Variants in PRKN observed in about 807,000 individuals in gnomAD.
PRKN encodes parkin RBR E3 ubiquitin protein ligase, also known as E3 ubiquitin-protein ligase parkin.
In PRKN, 56 loss-of-function variants were observed where a neutral mutation model predicts 59.5. That is an observed-to-expected ratio of 0.94 (90% CI 0.76 to 1.18). PRKN has a LOEUF of 1.18. Ranked by LOEUF, PRKN falls within the 50% of genes most tolerant of loss-of-function variation. PRKN has a pLI of 0.00. For synonymous variants in PRKN, 250 were observed against 222.1 expected (o/e 1.13, Z -1.12); for missense variants, 657 against 596.4 (o/e 1.10, Z -1.06).
chr6:162,221,022 G>A (rs1052511180), intron 3 of PRKN, among the ~76,000 whole-genome samples: 1 of 152,162 alleles, frequency 6.6e-6, no homozygotes, highest in African/African-American at 2.4e-5. Flanking sequence ...GTGAAGAGCG[G>A]AGAATGGTAA....
At chr6:162,293,415 T>C (rs533709885) in intron 2 of PRKN, among the ~76,000 whole-genome samples, 2 of 152,362 alleles carry the variant, frequency 1.3e-5, no homozygotes, top group African/African-American at 2.4e-5. Context: ...TTTGGAATTC[T>C]AAATCCATGT....
Position 161,386,747 on chromosome 6 carries a change from A to C in PRKN, c.1167+47T>G. Reference sequence around the variant, plus strand: ...CTCCAGGAAACGGCTCCAGTCCCCCACTGTATCCGGAGCCCTGCTTGGAGG... The same window carrying C: ...CTCCAGGAAACGGCTCCAGTCCCCCCCTGTATCCGGAGCCCTGCTTGGAGG... On this transcript the variant is annotated intron_variant, in intron 10 of 11. Transcript: ENST00000366898. This position sits in a 1 kb window ranked among gnomAD's most constrained non-coding sequence, Gnocchi z 4.3. 7.1e-7 allele frequency: 1 copy of C among 1,415,732 alleles called. No homozygotes were observed. The highest frequency in any genetic ancestry group is 1.4e-5 in the African/African-American group (1 of 71,134). 87.7% of individuals were successfully genotyped at this position (1,415,732 alleles called of 1,614,324 possible).
intron 6 of PRKN, among the ~76,000 whole-genome samples, chr6:161,938,555 A>G (rs1287564094): frequency 6.6e-6 from 1 of 152,206 alleles, no homozygotes; most frequent in Non-Finnish European, 1.5e-5. Flanking sequence ...AATGAGTCCA[A>G]TATTTTTTGT....
At chr6:161,975,085 CTTTTTTTTTTTTTT>C (rs769121865) in intron 5 of PRKN, among the ~76,000 whole-genome samples, 1 of 124,470 alleles carries the variant, frequency 8.0e-6, no homozygotes, top group Non-Finnish European at 1.7e-5. Flanking sequence ...ACATATACTT[CTTTTTTTTTTTTTT>C]TTTTTTTTGA....
chr6:161,652,063 G>A (rs1784169086), intron 7 of PRKN, among the ~76,000 whole-genome samples: 1 of 152,180 alleles, frequency 6.6e-6, no homozygotes, highest in African/African-American at 2.4e-5. Context: ...CCTACCTAGT[G>A]TCAACTTGTT....
intron 1 of PRKN, among the ~76,000 whole-genome samples, chr6:162,705,886 T>C (rs1331407550): frequency 6.6e-6 from 1 of 152,140 alleles, no homozygotes. Flanking sequence ...AGAGCTTGGC[T>C]GTTTGACTCC....
intron 1 of PRKN, among the ~76,000 whole-genome samples, chr6:162,579,990 G>A (rs1380628455): frequency 1.3e-5 from 2 of 152,102 alleles, no homozygotes; most frequent in African/African-American, 2.4e-5. Flanking sequence ...TATCATGAAC[G>A]TTATCATTAT....
chr6:162,179,266 C>T (rs1783683652), intron 4 of PRKN, among the ~76,000 whole-genome samples: 1 of 152,194 alleles, frequency 6.6e-6, no homozygotes, highest in South Asian at 2.1e-4. Context: ...TATTTCTCTG[C>T]TGGCCGAATT....
chr6:162,091,605 C>G (rs190473538), intron 4 of PRKN, among the ~76,000 whole-genome samples: 2 of 152,128 alleles, frequency 1.3e-5, no homozygotes, highest in African/African-American at 4.8e-5. Context: ...CTGCAGGCAC[C>G]GATCGTCTGG....
At chr6:161,767,054 A>C (rs2128200725) in intron 7 of PRKN, among the ~76,000 whole-genome samples, 1 of 152,334 alleles carries the variant, frequency 6.6e-6, no homozygotes, top group South Asian at 2.1e-4. Context: ...TAACGTGACC[A>C]AAATAACCAG....
intron 3 of PRKN, among the ~76,000 whole-genome samples, chr6:162,219,609 T>C (rs1012583448): frequency 3.4e-5 from 5 of 147,218 alleles, no homozygotes; most frequent in African/African-American, 1.0e-4. Flanking sequence ...CTCCGCAGCA[T>C]GGAGGAAAAA....
chr6:161,517,240 GACTGAC>G (rs1778642702), intron 9 of PRKN, among the ~76,000 whole-genome samples: 1 of 152,110 alleles, frequency 6.6e-6, no homozygotes. Flanking sequence ...GGTTCCGTGT[GACTGAC>G]CTATCTTTTT....
At chr6:162,642,647 C>T (rs1008876385) in intron 1 of PRKN, among the ~76,000 whole-genome samples, 2 of 151,664 alleles carry the variant, frequency 1.3e-5, no homozygotes, top group African/African-American at 4.8e-5. Flanking sequence ...TAAGTAGTTG[C>T]TTCATGAGAA....
At chr6:162,237,441 T>C (rs2128089500) in intron 3 of PRKN, among the ~76,000 whole-genome samples, 1 of 152,334 alleles carries the variant, frequency 6.6e-6, no homozygotes, top group Non-Finnish European at 1.5e-5. Flanking sequence ...AGTTTCTTTG[T>C]TCATGTTATC....
chr6:161,954,049 A>G (rs1457889374), intron 6 of PRKN, among the ~76,000 whole-genome samples: 2 of 152,128 alleles, frequency 1.3e-5, no homozygotes, highest in Non-Finnish European at 2.9e-5. Context: ...TATTCTGAGC[A>G]TTTAAGGAGG....
intron 6 of PRKN, among the ~76,000 whole-genome samples, chr6:161,929,513 ACCT>A (rs1314340645): frequency 2.6e-5 from 3 of 115,964 alleles, no homozygotes; most frequent in Non-Finnish European, 5.4e-5. Context: ...TGTGAATTTC[ACCT>A]CTTTTTTTTT....
At position 162,124,235 on chromosome 6, in the gene PRKN, G is replaced by C. The variant is rs116848339; in HGVS notation, c.535-70061C>G. Among the ~76,000 whole-genome samples the C allele has an allele frequency of 3.0e-4, 46 of 152,248 alleles. No homozygotes were observed. The East Asian group carries it at 8.1e-3, about 27-fold the overall frequency. The stretch of plus-strand genomic sequence containing the variant: ...ACTTCCTTTCACCAACACCAGGGCT[G>C]GTGGGAGCTTCTTACTGTTAGCATG... On this transcript the variant is annotated intron_variant, in intron 4 of 11. Transcript: ENST00000366898.
In PRKN at chr6:162,440,659, T is replaced by C. The variant is rs188462776; in HGVS notation, c.171+2651A>G. On this transcript the variant is annotated intron_variant, in intron 2 of 11. Transcript: ENST00000366898. ...CCAGGAGGAAGACACCCAGCAAGCATAGACACCACCCCAGCCATCTCTTCT... is the reference window on the plus strand; with the variant it reads ...CCAGGAGGAAGACACCCAGCAAGCACAGACACCACCCCAGCCATCTCTTCT... Among the ~76,000 whole-genome samples, 3 of 152,264 alleles carry C rather than the reference T, an allele frequency of 2.0e-5. No individual in the cohort carries two copies. The East Asian group carries it at 5.8e-4, about 29-fold the overall frequency.
At position 161,463,935 on chromosome 6, in the gene PRKN, G is replaced by A. The variant is rs1790327755; in HGVS notation, c.1084-77058C>T. Among the ~76,000 whole-genome samples, 1 of 152,128 alleles carries A rather than the reference G, an allele frequency of 6.6e-6. No individual in the cohort carries two copies. Among genetic ancestry groups the A allele is most frequent in the Admixed American group, 6.6e-5 (1 of 15,262 alleles). ...AGGATGGTAGACATCAACATACAGA[G>A]ACCTTTAGGGTTTTTTTTGTTTTTG... On this transcript the variant is annotated intron_variant, in intron 9 of 11. Transcript: ENST00000366898. The surrounding 1 kb of genome is among the most constrained non-coding windows in gnomAD (Gnocchi z 4.8).
Sources: gnomAD v4.1 joint callset for allele counts (sites outside exome capture counted in the v4.1 genomes callset) on GRCh38, gnomAD v4.1.1 for gene constraint, Gnocchi (gnomAD v3.1) non-coding constraint, MANE v1.5 for transcripts, NCBI Gene and HGNC (gene_info 2026-07-23, HGNC 2026-07-21) for gene names.